Variants in RYR3 observed in about 807,000 individuals in gnomAD.
The protein encoded by RYR3 is ryanodine receptor 3.
Under a neutral mutation model 584.3 loss-of-function variants are expected in RYR3, and 207 were observed. That is an observed-to-expected ratio of 0.35 (90% CI 0.32 to 0.40). The LOEUF (loss-of-function observed/expected upper bound fraction) is 0.40, where lower values mean the gene tolerates loss of function less well. Ranked by LOEUF, RYR3 falls within the 10% of genes least tolerant of loss-of-function variation. The pLI, the probability that RYR3 is intolerant of heterozygous loss-of-function variation, is 1.00. For missense variants in RYR3, 5,616 were observed against 6,089.2 expected (o/e 0.92, Z 2.59); for synonymous variants, 2,416 against 2,248.5 (o/e 1.07, Z -2.11).
intron 72 of RYR3, 100 bp downstream of exon 72, chr15:33,811,137 C>A: frequency 2.0e-6 from 2 of 983,726 alleles, no homozygotes; most frequent in Non-Finnish European, 1.6e-6. Flanking sequence ...TATATGTGTT[C>A]CAAAAACAGT....
At chr15:33,665,156 A>G (rs1390158) in intron 36 of RYR3, among the ~76,000 whole-genome samples, 139,182 of 152,266 alleles carry the variant, frequency 0.91, 63,804 homozygotes, top group Non-Finnish European at 0.95. Context: ...TGGCTCTTTC[A>G]TATGTATTTG....
chr15:33,751,285 T>G (rs2071277490), intron 57 of RYR3, among the ~76,000 whole-genome samples: 1 of 152,244 alleles, frequency 6.6e-6, no homozygotes, highest in African/African-American at 2.4e-5. Flanking sequence ...GTATTTCTAG[T>G]TCTAGATCCT....
At chr15:33,851,221 A>T (rs2079087962) in intron 94 of RYR3, 1 of 152,188 alleles carries the variant, frequency 6.6e-6, no homozygotes, top group African/African-American at 2.4e-5. Context: ...TATACCTGAT[A>T]CACAAGTTGA....
In RYR3 at chr15:33,421,926, T is replaced by A. The variant is rs142509912; in HGVS notation, c.52-51493T>A. 5.3e-5 allele frequency among the ~76,000 whole-genome samples: 8 copies of A among 152,278 alleles called. No individual in the cohort carries two copies. In the East Asian group the frequency reaches 1.5e-3, roughly 29 times the overall value. ...TGGAAGACCTGCTTGGAAACAGACATATTTAGATAAGAATAATCAAATTAC... is the reference window on the plus strand; with the variant it reads ...TGGAAGACCTGCTTGGAAACAGACAAATTTAGATAAGAATAATCAAATTAC... On this transcript the variant is annotated intron_variant, in intron 1 of 103. Coordinates refer to ENST00000634891, the MANE Select transcript of RYR3 (RefSeq NM_001036.6).
intron 72 of RYR3, among the ~76,000 whole-genome samples, chr15:33,812,372 GATGTAA>G (rs1213355079): frequency 6.6e-6 from 1 of 151,880 alleles, no homozygotes; most frequent in Non-Finnish European, 1.5e-5. Context: ...AATTGAAAGA[GATGTAA>G]ATGTAAATAA....
chr15:33,826,949 A>G (rs2077406663), intron 84 of RYR3, among the ~76,000 whole-genome samples, 197 bp downstream of exon 84: 1 of 152,240 alleles, frequency 6.6e-6, no homozygotes, highest in Admixed American at 6.5e-5. Context: ...CAGAATCTTC[A>G]GATGAGAAAT....
chr15:33,805,613 G>A (rs996437575), intron 69 of RYR3, among the ~76,000 whole-genome samples: 5 of 151,872 alleles, frequency 3.3e-5, no homozygotes, highest in Admixed American at 6.5e-5. Flanking sequence ...AAGTAGCTGG[G>A]ACTACAGGTG....
chr15:33,345,780 A>G (rs1972386356), intron 1 of RYR3, among the ~76,000 whole-genome samples: 1 of 152,230 alleles, frequency 6.6e-6, no homozygotes, highest in African/African-American at 2.4e-5. Flanking sequence ...TTTCCAAACT[A>G]CAAAAAGAAT....
Position 33,533,392 on chromosome 15 carries a change from G to C in RYR3, c.433+3G>C. On this transcript the variant is annotated splice_donor_region_variant and intron_variant, in intron 5 of 103. Transcript: ENST00000634891. The stretch of plus-strand genomic sequence containing the variant: ...AGGTCTACGGGAACATGCCACAGGT[G>C]AGTCAGCATTCCCAGATCTCTTGAG... 2 of 1,599,484 alleles carry C rather than the reference G, an allele frequency of 1.3e-6. No homozygotes were observed. Among genetic ancestry groups the C allele is most frequent in the Non-Finnish European group, 1.7e-6 (2 of 1,171,012 alleles).
chr15:33,592,871 A>C (rs1267610250), intron 16 of RYR3, among the ~76,000 whole-genome samples: 1 of 152,232 alleles, frequency 6.6e-6, no homozygotes, highest in African/African-American at 2.4e-5. Flanking sequence ...ACAGAGCCTC[A>C]GGAAGTCCTG....
chr15:33,858,587 G>C (rs117208495), intron 99 of RYR3: 2,209 of 153,382 alleles, frequency 0.014, 26 homozygotes, highest in South Asian at 0.041. Context: ...TCAGAACAGA[G>C]AGCAAAGTCC....
In RYR3 at chr15:33,816,865, C is replaced by T. The variant is rs765779606; in HGVS notation, c.10506C>T (p.His3502=). 4.3e-6 allele frequency: 7 copies of T among 1,610,252 alleles called. No homozygotes were observed. Among genetic ancestry groups the T allele is most frequent in the Non-Finnish European group, 5.9e-6 (7 of 1,177,364 alleles). ...CCCTCTCACCCCTTCCGCTCAGGCACCGCTCTATTAACCTCTTCCTCCATG... is the reference window on the plus strand; with the variant it reads ...CCCTCTCACCCCTTCCGCTCAGGCATCGCTCTATTAACCTCTTCCTCCATG... ...RMAPLYNLPR[H]RSINLFLHGY... The change falls in exon 75 of 104, where the codon CAC becomes CAT. Residue 3502 remains histidine (H), a synonymous_variant. Transcript: ENST00000634891.
At chr15:33,823,285 C>T (rs1043866030) in intron 81 of RYR3, among the ~76,000 whole-genome samples, 11 of 152,258 alleles carry the variant, frequency 7.2e-5, no homozygotes, top group African/African-American at 2.4e-4. Context: ...TTGCCATTAG[C>T]CACATACACA....
chr15:33,375,146 C>A (rs2040630008), intron 1 of RYR3, among the ~76,000 whole-genome samples: 1 of 152,186 alleles, frequency 6.6e-6, no homozygotes, highest in East Asian at 1.9e-4. Context: ...TGCAAAATTT[C>A]TCTGAATCTC....
intron 13 of RYR3, among the ~76,000 whole-genome samples, chr15:33,580,710 C>T (rs965683766): frequency 1.2e-4 from 18 of 152,142 alleles, no homozygotes; most frequent in African/African-American, 4.1e-4. Context: ...TTTCCAGACT[C>T]GGAGATGTGA....
At chr15:33,699,381 CCT>C (rs923977895) in intron 40 of RYR3, among the ~76,000 whole-genome samples, 81 of 148,558 alleles carry the variant, frequency 5.5e-4, no homozygotes, top group Non-Finnish European at 9.9e-4. Flanking sequence ...CACTCTCTCT[CCT>C]CTCTCTCTCT....
chr15:33,633,266 G>A (rs1343589189), intron 24 of RYR3, among the ~76,000 whole-genome samples, 158 bp downstream of exon 24: 1 of 152,212 alleles, frequency 6.6e-6, no homozygotes, highest in Non-Finnish European at 1.5e-5. Context: ...TCATGGGGCT[G>A]GACAGAATTT....
At position 33,662,874 on chromosome 15, in the gene RYR3, G is replaced by A; in HGVS notation, c.5344G>A (p.Gly1782Arg). ...TQVEEKAVEA[G>R]EKAGKEAPVK... ...GGTGGAGGAGAAGGCTGTGGAGGCTGGGGAGAAGGCCGGCAAGGAGGCTCC... is the reference window on the plus strand; with the variant it reads ...GGTGGAGGAGAAGGCTGTGGAGGCTAGGGAGAAGGCCGGCAAGGAGGCTCC... Residue 1782 changes from glycine to arginine, a missense_variant, in exon 35 of 104, where the codon GGG (glycine) becomes AGG (arginine). This residue lies in a region of RYR3 where 753 missense variants were observed against 741.0 expected (regional missense o/e 1.02). Transcript: ENST00000634891. 6.2e-7 allele frequency: 1 copy of A among 1,613,724 alleles called. No individual in the cohort carries two copies. The highest frequency in any genetic ancestry group is 8.5e-7 in the Non-Finnish European group (1 of 1,179,886).
At chr15:33,408,074 G>A (rs1320467411) in intron 1 of RYR3, among the ~76,000 whole-genome samples, 1 of 151,654 alleles carries the variant, frequency 6.6e-6, no homozygotes, top group East Asian at 1.9e-4. Flanking sequence ...TTGTTACCTG[G>A]TATATTGCAT....
Sources: gnomAD v4.1 joint callset for allele counts (sites outside exome capture counted in the v4.1 genomes callset) on GRCh38, gnomAD v4.1.1 for gene constraint, gnomAD v4.1.1 regional missense constraint, MANE v1.5 for transcripts, NCBI Gene and HGNC (gene_info 2026-07-23, HGNC 2026-07-21) for gene names.